CLINT1: variants seen among roughly 807,000 people sequenced by gnomAD.
CLINT1 encodes clathrin interacting protein localized in the trans-Golgi region.
CLINT1 carries 15 observed loss-of-function variants against 70.4 expected under a neutral mutation model. The observed-to-expected ratio is 0.21, with a 90% confidence interval of 0.14 to 0.33. CLINT1 has a LOEUF of 0.33. Among genes scored for constraint, CLINT1 ranks in the 10% least tolerant of loss-of-function variants. The pLI is 1.00. For missense variants in CLINT1, 615 were observed against 778.1 expected (o/e 0.79, Z 2.49); for synonymous variants, 227 against 254.7 (o/e 0.89, Z 1.04).
Position 157,805,749 on chromosome 5 carries a change from G to A in CLINT1, c.942+117C>T, listed in dbSNP as rs558735897. 6.8e-5 allele frequency: 86 copies of A among 1,263,420 alleles called. 1 individual carries two copies. The South Asian group carries it at 1.2e-3, about 18-fold the overall frequency. 78.3% of individuals were successfully genotyped at this position (1,263,420 alleles called of 1,614,324 possible). A position where few individuals can be genotyped will look rare whatever the true frequency, so the allele number is the denominator to read the frequency against. On this transcript the variant is annotated intron_variant, in intron 7 of 11. Coordinates refer to ENST00000411809, the MANE Select transcript of CLINT1 (RefSeq NM_014666.4). ...TAATGTCTCTTGGTAATACATGCCA[G>A]ATGATCCATAATTAATATGATTGCC...
chr5:157,824,128 T>C (rs1431169421), intron 1 of CLINT1, among the ~76,000 whole-genome samples: 3 of 152,268 alleles, frequency 2.0e-5, no homozygotes, highest in Admixed American at 6.5e-5. Context: ...ACCAGAAACA[T>C]TTGGTCTTTC....
At chr5:157,822,150 T>C (rs1561656260) in intron 1 of CLINT1, among the ~76,000 whole-genome samples, 1 of 152,124 alleles carries the variant, frequency 6.6e-6, no homozygotes, top group Admixed American at 6.5e-5. Flanking sequence ...ATTTGAATCA[T>C]GAGGGCGGTT....
chr5:157,833,166 C>CA (rs199755686), intron 1 of CLINT1, among the ~76,000 whole-genome samples: 4,475 of 152,234 alleles, frequency 0.029, 206 homozygotes, highest in African/African-American at 0.1. Flanking sequence ...GCCTGGCCAA[C>CA]ACGGTGAAAC....
chr5:157,825,814 C>T (rs114561236), intron 1 of CLINT1, among the ~76,000 whole-genome samples: 1,524 of 152,218 alleles, frequency 0.01, 23 homozygotes, highest in African/African-American at 0.035. Flanking sequence ...TTCTTTGTTT[C>T]ATTCTGACTA....
intron 1 of CLINT1, 66 bp downstream of exon 1, chr5:157,858,864 C>T: frequency 1.4e-6 from 2 of 1,400,420 alleles, no homozygotes; most frequent in South Asian, 1.2e-5. Flanking sequence ...AGCCCAAGGC[C>T]AGCTCCTTCT....
chr5:157,789,499 G>A lies in CLINT1; in HGVS notation c.1395C>T (p.Val465=). ...PMSRSQNTDM[V]QKSVSKTLPS... is the part of the protein sequence containing the mutation. Reference sequence around the variant, plus strand: ...GCAAGGTTTTGCTGACTGATTTCTGGACCATATCTGTATTCTGATTATAGA... The same window carrying A: ...GCAAGGTTTTGCTGACTGATTTCTGAACCATATCTGTATTCTGATTATAGA... Residue 465 remains valine (V), a synonymous_variant, in exon 11 of 12, where the codon GTC becomes GTT. Transcript: ENST00000411809. The A allele has an allele frequency of 6.2e-7, 1 of 1,613,928 alleles. No individual in the cohort carries two copies. Among genetic ancestry groups the A allele is most frequent in the Non-Finnish European group, 8.5e-7 (1 of 1,179,860 alleles).
chr5:157,839,748 T>TATCTA (rs1763562911), intron 1 of CLINT1, among the ~76,000 whole-genome samples: 2 of 150,314 alleles, frequency 1.3e-5, no homozygotes, highest in African/African-American at 5.0e-5. Context: ...TCTATCTATC[T>TATCTA]ATCTATCTAT....
intron 7 of CLINT1, 107 bp from the exon 8 acceptor site, chr5:157,803,826 T>A: frequency 2.9e-6 from 2 of 690,360 alleles, no homozygotes; most frequent in Non-Finnish European, 4.4e-6. Context: ...GTAATTAGCT[T>A]AATAAGGGTA....
intron 1 of CLINT1, among the ~76,000 whole-genome samples, chr5:157,828,400 G>A (rs770466589): frequency 1.3e-5 from 2 of 152,110 alleles, no homozygotes; most frequent in Non-Finnish European, 2.9e-5. Context: ...GCAGGCAGAG[G>A]CAGTCACCAC....
At chr5:157,852,292 C>T (rs746429057) in intron 1 of CLINT1, among the ~76,000 whole-genome samples, 1 of 152,012 alleles carries the variant, frequency 6.6e-6, no homozygotes, top group Non-Finnish European at 1.5e-5. Flanking sequence ...ATATGCTTTG[C>T]AATATTAAAG....
At position 157,803,633 on chromosome 5, in the gene CLINT1, C is replaced by G; in HGVS notation, c.1012+17G>C. The G allele has an allele frequency of 6.9e-7, 1 of 1,447,052 alleles. No individual in the cohort carries two copies. Among genetic ancestry groups the G allele is most frequent in the Non-Finnish European group, 9.2e-7 (1 of 1,085,454 alleles). The allele number at this position is 1,447,052 out of a possible 1,614,324, so 89.6% of individuals were successfully genotyped here. A position where few individuals can be genotyped will look rare whatever the true frequency, so the allele number is the denominator to read the frequency against. On this transcript the variant is annotated intron_variant, in intron 8 of 11. Coordinates refer to ENST00000411809, the MANE Select transcript of CLINT1 (RefSeq NM_014666.4). ...ATGACTCTCAAACCAAAAGAAAAGG[C>G]CAATGTAGAAGCTTACCTGTTGACT...
intron 1 of CLINT1, among the ~76,000 whole-genome samples, chr5:157,820,406 T>A (rs775669232): frequency 2.2e-4 from 33 of 151,970 alleles, no homozygotes; most frequent in Non-Finnish European, 4.4e-4. Context: ...CAAGACCCTG[T>A]CTCCCACTCC....
intron 7 of CLINT1, among the ~76,000 whole-genome samples, chr5:157,805,401 G>A (rs890317027): frequency 2.0e-5 from 3 of 152,202 alleles, no homozygotes; most frequent in Non-Finnish European, 4.4e-5. Context: ...TGCTTCTTTT[G>A]ATACTGATCA....
intron 1 of CLINT1, among the ~76,000 whole-genome samples, chr5:157,834,363 T>TAA (rs35913533): frequency 0.14 from 20,496 of 143,888 alleles, 1,922 homozygotes; most frequent in African/African-American, 0.27. Flanking sequence ...ACAGAGCGAT[T>TAA]AAAAAAAAAA....
chr5:157,817,564 TGC>T lies in CLINT1; in HGVS notation c.42-19_42-18del. 6.7e-7 allele frequency: 1 copy of T among 1,489,338 alleles called. No individual in the cohort carries two copies. Among genetic ancestry groups the T allele is most frequent in the Non-Finnish European group, 9.2e-7 (1 of 1,081,114 alleles). The allele number at this position is 1,489,338 out of a possible 1,614,324, so 92.3% of individuals were successfully genotyped here. A position where few individuals can be genotyped will look rare whatever the true frequency, so the allele number is the denominator to read the frequency against. ...ACATTGGTGCTGTAGAGGAAAAAAA[TGC>T]ACGCACACATGCACAAAGATTAGCA... On this transcript the variant is annotated intron_variant, in intron 1 of 11. Coordinates refer to ENST00000411809, the MANE Select transcript of CLINT1 (RefSeq NM_014666.4).
chr5:157,787,889 T>C lies in CLINT1; in HGVS notation c.1635A>G (p.Ile545Met), dbSNP rs1761776685. ...GCATGCTCATAGGCATGGGTCCCCC[T>C]ATCAAAGCATTAGTTTGGGGCCGGA... Reference protein sequence around the residue: ...LPVRPQTNALIGGPMPMSMPN... With the variant: ...LPVRPQTNALMGGPMPMSMPN... Residue 545 changes from isoleucine (I) to methionine (M), a missense_variant, in exon 12 of 12, where the codon ATA (isoleucine) becomes ATG (methionine). Transcript: ENST00000411809. 2 of 1,613,696 alleles carry C rather than the reference T, an allele frequency of 1.2e-6. No individual in the cohort carries two copies. The highest frequency in any genetic ancestry group is 1.7e-6 in the Non-Finnish European group (2 of 1,179,812).
intron 11 of CLINT1, among the ~76,000 whole-genome samples, chr5:157,788,316 T>C (rs1761789841): frequency 6.6e-6 from 1 of 152,216 alleles, no homozygotes; most frequent in African/African-American, 2.4e-5. Flanking sequence ...TAAAAAATCT[T>C]TCAAAGGTTT....
chr5:157,807,397 C>T (rs887416553), intron 6 of CLINT1, among the ~76,000 whole-genome samples: 2 of 151,976 alleles, frequency 1.3e-5, no homozygotes, highest in African/African-American at 2.4e-5. Flanking sequence ...TTTATTTCAG[C>T]GCAAAATAAT....
chr5:157,808,008 T>C (rs561921111), intron 6 of CLINT1, among the ~76,000 whole-genome samples: 1 of 152,150 alleles, frequency 6.6e-6, no homozygotes, highest in Non-Finnish European at 1.5e-5. Flanking sequence ...TTTGAAGAGC[T>C]AGAACTTATT....
Sources: gnomAD v4.1 joint callset for allele counts (sites outside exome capture counted in the v4.1 genomes callset) on GRCh38, gnomAD v4.1.1 for gene constraint, MANE v1.5 for transcripts, NCBI Gene and HGNC (gene_info 2026-07-23, HGNC 2026-07-21) for gene names.